The following RAPGEF5 variants were observed in gnomAD, a reference collection of about 807,000 sequenced individuals.
RAPGEF5 encodes Rap guanine nucleotide exchange factor 5.
In RAPGEF5, 65 loss-of-function variants were observed where a neutral mutation model predicts 125.2. That is an observed-to-expected ratio of 0.52 (90% CI 0.43 to 0.64). The LOEUF is 0.64. Ranked by LOEUF, RAPGEF5 falls within the 30% of genes least tolerant of loss-of-function variation. RAPGEF5 has a pLI of 0.00. For missense variants in RAPGEF5, 958 were observed against 1,048.1 expected (o/e 0.91, Z 1.19); for synonymous variants, 391 against 385.9 (o/e 1.01, Z -0.16).
chr7:22,196,557 T>C (rs1785151278), intron 9 of RAPGEF5, among the ~76,000 whole-genome samples: 4 of 152,226 alleles, frequency 2.6e-5, no homozygotes. Context: ...AGTACCCTGC[T>C]CTTAACTGAC....
intron 6 of RAPGEF5, among the ~76,000 whole-genome samples, chr7:22,268,032 A>C (rs990202887): frequency 2.0e-5 from 3 of 152,204 alleles, no homozygotes; most frequent in Admixed American, 6.5e-5. Context: ...CTGAGACTCC[A>C]CATAGGACTG....
intron 17 of RAPGEF5, among the ~76,000 whole-genome samples, chr7:22,153,755 T>C (rs1031770816): frequency 2.0e-5 from 3 of 152,186 alleles, no homozygotes; most frequent in African/African-American, 4.8e-5. Context: ...TGTATTTTTT[T>C]CTCAGGGTTA....
chr7:22,234,116 TAG>T (rs1786127692), intron 7 of RAPGEF5, among the ~76,000 whole-genome samples: 1 of 152,216 alleles, frequency 6.6e-6, no homozygotes, highest in Non-Finnish European at 1.5e-5. Context: ...GTATTTATCC[TAG>T]ACAAGGATTT....
chr7:22,168,536 T>C (rs76328186), intron 11 of RAPGEF5, among the ~76,000 whole-genome samples: 1 of 152,242 alleles, frequency 6.6e-6, no homozygotes, highest in East Asian at 1.9e-4. Flanking sequence ...ATAATGATGA[T>C]GTGTAAGTAA....
intron 8 of RAPGEF5, among the ~76,000 whole-genome samples, chr7:22,227,317 T>C (rs919023198): frequency 6.6e-6 from 1 of 152,192 alleles, no homozygotes; most frequent in African/African-American, 2.4e-5. Flanking sequence ...TTTGACAGTA[T>C]TAAATAAGAG....
chr7:22,157,398 C>T (rs1783844412), intron 15 of RAPGEF5, among the ~76,000 whole-genome samples: 1 of 152,224 alleles, frequency 6.6e-6, no homozygotes, highest in Non-Finnish European at 1.5e-5. Flanking sequence ...TGCCTGACAT[C>T]TCAGTCCATA....
intron 11 of RAPGEF5, among the ~76,000 whole-genome samples, chr7:22,174,201 A>G (rs1784437129): frequency 6.6e-6 from 1 of 152,158 alleles, no homozygotes; most frequent in Admixed American, 6.5e-5. Context: ...CCTTGTCCCA[A>G]TTCTCCAAGT....
intron 7 of RAPGEF5, among the ~76,000 whole-genome samples, chr7:22,266,527 T>C (rs1782286305): frequency 6.6e-6 from 1 of 152,170 alleles, no homozygotes; most frequent in South Asian, 2.1e-4. Flanking sequence ...GAAATCTCAT[T>C]AAGCAATTCA....
chr7:22,206,472 T>C (rs936204606), intron 9 of RAPGEF5, among the ~76,000 whole-genome samples: 17 of 152,088 alleles, frequency 1.1e-4, no homozygotes, highest in African/African-American at 4.1e-4. Context: ...GAGGGTGAGT[T>C]GGGAGGATTT....
chr7:22,311,831 T>C (rs1783477947), intron 3 of RAPGEF5, among the ~76,000 whole-genome samples: 1 of 152,240 alleles, frequency 6.6e-6, no homozygotes, highest in Non-Finnish European at 1.5e-5. Flanking sequence ...AGGTTCAAAG[T>C]GTTAATTAAC....
At chr7:22,339,452 T>C (rs1267662478) in intron 1 of RAPGEF5, among the ~76,000 whole-genome samples, 1 of 151,846 alleles carries the variant, frequency 6.6e-6, no homozygotes, top group East Asian at 1.9e-4. Flanking sequence ...AAAGAAAGTG[T>C]TGTGTTAAAC....
At chr7:22,248,394 G>C (rs1452190819) in intron 7 of RAPGEF5, among the ~76,000 whole-genome samples, 2 of 152,168 alleles carry the variant, frequency 1.3e-5, no homozygotes, top group Non-Finnish European at 2.9e-5. Flanking sequence ...GTTAGTTTCA[G>C]TGATGAAGCT....
chr7:22,290,520 C>A (rs973911507), intron 6 of RAPGEF5, among the ~76,000 whole-genome samples: 1 of 151,966 alleles, frequency 6.6e-6, no homozygotes, highest in South Asian at 2.1e-4. Flanking sequence ...CTGAGGCGGG[C>A]GGATCACAAG....
intron 25 of RAPGEF5, chr7:22,125,200 T>C (rs1297676793): frequency 6.3e-6 from 1 of 158,416 alleles, no homozygotes; most frequent in African/African-American, 2.4e-5. Context: ...TTACAAGCTA[T>C]AGTCCTATTC....
chr7:22,322,657 C>G (rs986493030), intron 1 of RAPGEF5, among the ~76,000 whole-genome samples: 20 of 152,252 alleles, frequency 1.3e-4, no homozygotes, highest in African/African-American at 4.8e-4. Context: ...AAAAGTGCAT[C>G]TAACTGCAGT....
At chr7:22,293,389 C>T (rs1433300985) in intron 5 of RAPGEF5, among the ~76,000 whole-genome samples, 2 of 152,286 alleles carry the variant, frequency 1.3e-5, no homozygotes, top group Admixed American at 1.3e-4. Flanking sequence ...CCATCCCTTC[C>T]CTCCTCACTC....
intron 9 of RAPGEF5, among the ~76,000 whole-genome samples, chr7:22,204,165 C>G (rs535082286): frequency 6.6e-6 from 1 of 152,318 alleles, no homozygotes; most frequent in Non-Finnish European, 1.5e-5. Flanking sequence ...CTAGCCCTGA[C>G]TGGTTCCTAT....
Position 22,295,504 on chromosome 7 carries a change from T to G in RAPGEF5, c.681-4263A>C, listed in dbSNP as rs188214800. ...TTTTGCAAAATTCCTGTACTACTCT[T>G]AAACATAAGTGTACTCTGATAAAGA... On this transcript the variant is annotated intron_variant, in intron 5 of 25. Coordinates refer to ENST00000665637, the MANE Select transcript of RAPGEF5 (RefSeq NM_012294.5). Among the ~76,000 whole-genome samples the G allele has an allele frequency of 3.3e-3, 497 of 152,278 alleles. 4 individuals carry two copies. The highest frequency in any genetic ancestry group is 0.011 in the African/African-American group (453 of 41,550).
intron 7 of RAPGEF5, among the ~76,000 whole-genome samples, chr7:22,252,438 G>C (rs1004586861): frequency 2.6e-5 from 4 of 152,196 alleles, no homozygotes; most frequent in Non-Finnish European, 5.9e-5. Flanking sequence ...TTGGATTCTG[G>C]AGTATGCGCT....
Sources: allele counts gnomAD v4.1 joint callset (sites outside exome capture counted in the v4.1 genomes callset), GRCh38; gene constraint gnomAD v4.1.1; transcripts MANE v1.5; gene names NCBI Gene and HGNC (gene_info 2026-07-23, HGNC 2026-07-21).